Variants in PPP2R2C observed in about 807,000 individuals in gnomAD.
The protein encoded by PPP2R2C is protein phosphatase 2 regulatory subunit Bgamma.
In PPP2R2C, 10 loss-of-function variants were observed where a neutral mutation model predicts 45.3. The ratio of observed to expected loss-of-function variants is 0.22; its 90% CI spans 0.14 to 0.37. The LOEUF (loss-of-function observed/expected upper bound fraction) is 0.37, where lower values mean the gene tolerates loss of function less well. Among genes scored for constraint, PPP2R2C ranks in the 10% least tolerant of loss-of-function variants. The pLI is 1.00. For missense variants in PPP2R2C, 308 were observed against 619.7 expected (o/e 0.50, Z 5.34); for synonymous variants, 257 against 245.4 (o/e 1.05, Z -0.44).
At chr4:6,398,181 T>C (rs1454526451) in intron 1 of PPP2R2C, among the ~76,000 whole-genome samples, 2 of 152,230 alleles carry the variant, frequency 1.3e-5, no homozygotes, top group Non-Finnish European at 2.9e-5. Flanking sequence ...GGAGACATTA[T>C]AGAAGAAACT....
At chr4:6,527,116 C>T (rs371974443) in intron 2 of PPP2R2C, among the ~76,000 whole-genome samples, 10 of 136,082 alleles carry the variant, frequency 7.3e-5, no homozygotes, top group African/African-American at 2.1e-4. Flanking sequence ...CAGCCTCAGC[C>T]ACCCTGAGCC....
At chr4:6,348,283 C>T (rs951769956) in intron 5 of PPP2R2C, among the ~76,000 whole-genome samples, 7 of 151,850 alleles carry the variant, frequency 4.6e-5, no homozygotes, top group African/African-American at 1.5e-4. Flanking sequence ...CACCTGCACC[C>T]CACCCCAGTG....
chr4:6,347,796 C>A, intron 6 of PPP2R2C, 50 bp downstream of exon 6: 1 of 967,132 alleles, frequency 1.0e-6, no homozygotes, highest in Admixed American at 2.2e-5. Context: ...ACATCCCACC[C>A]GCCCGCCTGC....
At chr4:6,494,225 G>T (rs1217479768) in intron 2 of PPP2R2C, among the ~76,000 whole-genome samples, 1 of 152,168 alleles carries the variant, frequency 6.6e-6, no homozygotes, top group Non-Finnish European at 1.5e-5. Flanking sequence ...CAGCCCTGCA[G>T]TATCTAGAAA....
In PPP2R2C at chr4:6,353,290, G is replaced by A. The variant is rs373921766; in HGVS notation, c.626-5280C>T. On this transcript the variant is annotated intron_variant, in intron 5 of 8. Coordinates refer to ENST00000382599, the MANE Select transcript of PPP2R2C (RefSeq NM_020416.4). ...CCAACACCGACAGTCCCCCCACACCGACAGCCCCCAACACCCAACAGCCTT... is the reference window on the plus strand; with the variant it reads ...CCAACACCGACAGTCCCCCCACACCAACAGCCCCCAACACCCAACAGCCTT... Among the ~76,000 whole-genome samples, 432 of 72,546 alleles carry A rather than the reference G, an allele frequency of 6.0e-3. 3 individuals carry two copies. The highest frequency in any genetic ancestry group is 0.024 in the African/African-American group (392 of 16,240). 47.6% of individuals were successfully genotyped at this position (72,546 alleles called of 152,430 possible). A position where few individuals can be genotyped will look rare whatever the true frequency, so the allele number is the denominator to read the frequency against.
intron 1 of PPP2R2C, among the ~76,000 whole-genome samples, chr4:6,419,630 G>T (rs188253493): frequency 6.6e-6 from 1 of 152,132 alleles, no homozygotes; most frequent in African/African-American, 2.4e-5. Flanking sequence ...ATGTGTCTGG[G>T]TATCAGTGTC....
intron 1 of PPP2R2C, among the ~76,000 whole-genome samples, chr4:6,402,848 T>C (rs561479694): frequency 2.0e-4 from 30 of 152,318 alleles, no homozygotes; most frequent in African/African-American, 6.7e-4. Flanking sequence ...CTGGAGCACC[T>C]GTCCCATGGA....
chr4:6,325,275 C>A (rs1577064695), intron 8 of PPP2R2C, among the ~76,000 whole-genome samples: 1 of 152,196 alleles, frequency 6.6e-6, no homozygotes, highest in Admixed American at 6.5e-5. Flanking sequence ...GGGCTTGAGG[C>A]ACTTTGCTTC....
chr4:6,439,700 T>G (rs1319930937), intron 1 of PPP2R2C, among the ~76,000 whole-genome samples: 1 of 152,130 alleles, frequency 6.6e-6, no homozygotes, highest in African/African-American at 2.4e-5. Context: ...CTTCCTAAAC[T>G]AAAGATCTAA....
intron 1 of PPP2R2C, among the ~76,000 whole-genome samples, chr4:6,423,900 T>G (rs1469366115): frequency 1.3e-5 from 2 of 152,076 alleles, no homozygotes; most frequent in Non-Finnish European, 2.9e-5. Flanking sequence ...TTTGAGAGTG[T>G]GTTAGGGTTA....
chr4:6,547,804 T>A (rs1725042516), intron 1 of PPP2R2C, among the ~76,000 whole-genome samples: 1 of 152,012 alleles, frequency 6.6e-6, no homozygotes, highest in Non-Finnish European at 1.5e-5. Context: ...CAGAGAAAAA[T>A]TGGTTCAAAA....
chr4:6,351,169 C>T (rs1712517502), intron 5 of PPP2R2C: 2 of 555,218 alleles, frequency 3.6e-6, no homozygotes, highest in African/African-American at 2.1e-5. Flanking sequence ...AAAAAATTAG[C>T]CAGGCGTGGT....
intron 1 of PPP2R2C, among the ~76,000 whole-genome samples, chr4:6,415,992 A>G (rs907577896): frequency 1.3e-5 from 2 of 152,252 alleles, no homozygotes; most frequent in African/African-American, 2.4e-5. Flanking sequence ...CCACAGGATC[A>G]GTGACCAGCA....
intron 2 of PPP2R2C, among the ~76,000 whole-genome samples, chr4:6,527,751 T>C (rs55668167): frequency 0.24 from 37,172 of 151,812 alleles, 5,121 homozygotes; most frequent in Middle Eastern, 0.4. Flanking sequence ...GGAACAGAGA[T>C]GTTGGCCCCC....
chr4:6,509,563 A>G (rs962711441), intron 2 of PPP2R2C, among the ~76,000 whole-genome samples: 2 of 152,192 alleles, frequency 1.3e-5, no homozygotes, highest in African/African-American at 4.8e-5. Flanking sequence ...AAATCCAACC[A>G]AACTAATCTA....
chr4:6,511,210 G>A (rs549377909), intron 2 of PPP2R2C, among the ~76,000 whole-genome samples: 12 of 152,298 alleles, frequency 7.9e-5, no homozygotes, highest in African/African-American at 1.9e-4. Context: ...CTGGCATGGC[G>A]TGAGTGCTCA....
chr4:6,459,868 C>G (rs1352877648), intron 1 of PPP2R2C, among the ~76,000 whole-genome samples: 1 of 152,116 alleles, frequency 6.6e-6, no homozygotes, highest in African/African-American at 2.4e-5. Context: ...TAGCAATGCT[C>G]TGGGGAAAGG....
Position 6,382,061 on chromosome 4 carries a change from C to T in PPP2R2C, c.71-967G>A, listed in dbSNP as rs896858853. ...AACCTGAAGCCTGAGGCCTGCTCCACCAACAAGTTTTACTGCAGCCCCAAA... is the reference window on the plus strand; with the variant it reads ...AACCTGAAGCCTGAGGCCTGCTCCATCAACAAGTTTTACTGCAGCCCCAAA... On this transcript the variant is annotated intron_variant, in intron 1 of 8. Transcript: ENST00000382599. 5 of 1,401,588 alleles carry T rather than the reference C, an allele frequency of 3.6e-6. No individual in the cohort carries two copies. In the East Asian group the frequency reaches 1.1e-4, roughly 30 times the overall value. The allele number at this position is 1,401,588 out of a possible 1,614,324, so 86.8% of individuals were successfully genotyped here.
chr4:6,369,722 G>A (rs561545115), intron 5 of PPP2R2C, among the ~76,000 whole-genome samples: 11 of 152,248 alleles, frequency 7.2e-5, no homozygotes, highest in South Asian at 2.1e-4. Flanking sequence ...GCTTCCTACC[G>A]AAATTCCTTC....
Sources: gnomAD v4.1 joint callset for allele counts (sites outside exome capture counted in the v4.1 genomes callset) on GRCh38, gnomAD v4.1.1 for gene constraint, MANE v1.5 for transcripts, NCBI Gene and HGNC (gene_info 2026-07-23, HGNC 2026-07-21) for gene names.